The following RPRD1A variants were observed in gnomAD, a reference collection of about 807,000 sequenced individuals.
RPRD1A encodes the protein regulation of nuclear pre-mRNA domain-containing protein 1A.
A neutral mutation model predicts 37.8 loss-of-function variants in RPRD1A; 9 were observed. The ratio of observed to expected loss-of-function variants is 0.24; its 90% CI spans 0.14 to 0.42. The LOEUF is 0.42. Among genes scored for constraint, RPRD1A ranks in the 10% least tolerant of loss-of-function variants. RPRD1A has a pLI of 1.00. For synonymous variants in RPRD1A, 138 were observed against 139.7 expected (o/e 0.99, Z 0.08); for missense variants, 255 against 371.0 (o/e 0.69, Z 2.57).
intron 2 of RPRD1A, among the ~76,000 whole-genome samples, chr18:36,031,597 T>C (rs573367697): frequency 9.8e-5 from 15 of 152,314 alleles, no homozygotes; most frequent in East Asian, 7.7e-4. Context: ...AAGGAAATGA[T>C]ATTTAATTTG....
At chr18:35,996,881 A>G (rs1909094772) in intron 6 of RPRD1A, among the ~76,000 whole-genome samples, 2 of 151,400 alleles carry the variant, frequency 1.3e-5, no homozygotes, top group South Asian at 4.2e-4. Flanking sequence ...ACAGGAGACT[A>G]AAGTGGGAGT....
intron 1 of RPRD1A, among the ~76,000 whole-genome samples, chr18:36,058,878 A>G (rs1054989301): frequency 1.4e-4 from 22 of 152,214 alleles, no homozygotes; most frequent in Admixed American, 1.2e-3. Context: ...GTGATACAGC[A>G]AGACTGAATG....
chr18:36,059,466 A>C (rs561268124), intron 1 of RPRD1A, among the ~76,000 whole-genome samples: 1 of 152,316 alleles, frequency 6.6e-6, no homozygotes, highest in South Asian at 2.1e-4. Flanking sequence ...AATATTATTT[A>C]ACATGAATCG....
chr18:35,992,232 T>C lies in RPRD1A; in HGVS notation c.*919A>G, dbSNP rs979336748. Reference sequence around the variant, plus strand: ...AACGAATATTGTGTTCTTGAGCTATTAGAGCTAAAAGTATTATTTTTAAAG... The same window carrying C: ...AACGAATATTGTGTTCTTGAGCTATCAGAGCTAAAAGTATTATTTTTAAAG... On this transcript the variant is annotated 3_prime_UTR_variant, in exon 7 of 7. Transcript: ENST00000399022. The C allele has an allele frequency of 6.6e-6, 1 of 152,628 alleles. No homozygotes were observed. Among genetic ancestry groups the C allele is most frequent in the African/African-American group, 2.4e-5 (1 of 41,464 alleles). The allele number at this position is 152,628 out of a possible 1,614,324, so 9.5% of individuals were successfully genotyped here.
At chr18:36,022,161 C>T (rs1322332793) in intron 6 of RPRD1A, among the ~76,000 whole-genome samples, 9 of 152,200 alleles carry the variant, frequency 5.9e-5, no homozygotes, top group African/African-American at 2.2e-4. Context: ...AAACGCTCTT[C>T]AATTCTATGA....
At chr18:36,042,844 C>T (rs1195494341) in intron 1 of RPRD1A, among the ~76,000 whole-genome samples, 1 of 151,832 alleles carries the variant, frequency 6.6e-6, no homozygotes, top group Non-Finnish European at 1.5e-5. Context: ...GTGGTTAAAT[C>T]ATAAATTAAT....
In RPRD1A at chr18:36,027,164, A is replaced by T. The variant is rs755434257; in HGVS notation, c.613+20T>A. The T allele has an allele frequency of 6.2e-7, 1 of 1,613,538 alleles. No individual in the cohort carries two copies. On this transcript the variant is annotated intron_variant, in intron 5 of 6. Transcript: ENST00000399022. ...ATCCCAACTCCCAAAAAAGTTCTGG[A>T]TCACATTTTCTTTTCTTACCTGTTA... is the stretch of plus-strand genomic sequence containing the variant.
intron 6 of RPRD1A, among the ~76,000 whole-genome samples, chr18:36,010,826 G>C (rs1311405716): frequency 6.6e-6 from 1 of 152,208 alleles, no homozygotes; most frequent in Non-Finnish European, 1.5e-5. Flanking sequence ...AAAGGAGATA[G>C]ATTTCATAAA....
rs143249953 is a variant in RPRD1A, at chr18:36,016,959, A to T, written c.789+9941T>A. On this transcript the variant is annotated intron_variant, in intron 6 of 6. Coordinates refer to ENST00000399022, the MANE Select transcript of RPRD1A (RefSeq NM_018170.5). ...GATAAAAATTTTGGATGGTATCTGC[A>T]TGTGCTTATCAATGGTTTTTCAACT... is the stretch of plus-strand genomic sequence containing the variant. Among the ~76,000 whole-genome samples the T allele has an allele frequency of 3.8e-3, 575 of 152,060 alleles. 7 individuals carry two copies. Among genetic ancestry groups the T allele is most frequent in the African/African-American group, 0.013 (551 of 41,462 alleles).
chr18:36,043,670 G>A (rs953588607), intron 1 of RPRD1A, among the ~76,000 whole-genome samples: 1 of 152,064 alleles, frequency 6.6e-6, no homozygotes, highest in Admixed American at 6.5e-5. Context: ...ATGAAATTGA[G>A]ACTAAAACTT....
At chr18:36,010,333 T>TA (rs992097539) in intron 6 of RPRD1A, among the ~76,000 whole-genome samples, 19 of 151,026 alleles carry the variant, frequency 1.3e-4, no homozygotes, top group Admixed American at 5.3e-4. Context: ...AAAATAAAAA[T>TA]AAAAAAAAGA....
In RPRD1A at chr18:36,018,767, A is replaced by G. The variant is rs1338287333; in HGVS notation, c.789+8133T>C. ...TATATAAAGTATTAATAGAAAGAAT[A>G]TGGAAGAAAAACAAAAACCAAAATG... is the stretch of plus-strand genomic sequence containing the variant. On this transcript the variant is annotated intron_variant, in intron 6 of 6. Transcript: ENST00000399022. 2.6e-5 allele frequency among the ~76,000 whole-genome samples: 4 copies of G among 152,264 alleles called. No individual in the cohort carries two copies. In the East Asian group the frequency reaches 7.7e-4, roughly 29 times the overall value.
intron 6 of RPRD1A, among the ~76,000 whole-genome samples, chr18:36,023,807 A>G (rs571126208): frequency 6.6e-6 from 1 of 152,348 alleles, no homozygotes; most frequent in South Asian, 2.1e-4. Flanking sequence ...AGTCTTTTTT[A>G]GCAATGAAGC....
At chr18:36,005,462 C>G (rs912379191) in intron 6 of RPRD1A, among the ~76,000 whole-genome samples, 1 of 152,002 alleles carries the variant, frequency 6.6e-6, no homozygotes, top group Non-Finnish European at 1.5e-5. Flanking sequence ...CAAATTTTCT[C>G]TAATAATTAT....
chr18:36,015,173 TACACACACACACACAC>T (rs368940718), intron 6 of RPRD1A, among the ~76,000 whole-genome samples: 3 of 130,916 alleles, frequency 2.3e-5, no homozygotes, highest in East Asian at 2.2e-4. Context: ...TACACATATA[TACACACACACACACAC>T]ACACACACAC....
intron 6 of RPRD1A, among the ~76,000 whole-genome samples, chr18:36,009,574 C>T (rs1315938516): frequency 6.6e-6 from 1 of 152,198 alleles, no homozygotes; most frequent in African/African-American, 2.4e-5. Flanking sequence ...TCTGGGGCAC[C>T]CACAGCATTT....
chr18:36,038,196 C>A (rs1297649788), intron 1 of RPRD1A, among the ~76,000 whole-genome samples: 1 of 152,212 alleles, frequency 6.6e-6, no homozygotes, highest in African/African-American at 2.4e-5. Flanking sequence ...ATGTCAGAGA[C>A]CTTCATGGCA....
In RPRD1A at chr18:36,067,453, G is replaced by A. The variant is rs747897533; in HGVS notation, c.-49C>T. 1.3e-6 allele frequency: 2 copies of A among 1,562,254 alleles called. No homozygotes were observed. The highest frequency in any genetic ancestry group is 1.7e-6 in the Non-Finnish European group (2 of 1,150,828). ...GTCCCACGCGGTGGGGCCGAGGGGA[G>A]GAGAGTTTCGCCGCCCTAGCTGCGG... is the stretch of plus-strand genomic sequence containing the variant. On this transcript the variant is annotated 5_prime_UTR_variant, in exon 1 of 7. Transcript: ENST00000399022.
At chr18:36,042,966 A>T (rs1460482944) in intron 1 of RPRD1A, among the ~76,000 whole-genome samples, 1 of 152,190 alleles carries the variant, frequency 6.6e-6, no homozygotes, top group Admixed American at 6.5e-5. Flanking sequence ...ATATGGATAT[A>T]TTTCTCATAA....
Sources: gnomAD v4.1 joint callset for allele counts (sites outside exome capture counted in the v4.1 genomes callset) on GRCh38, gnomAD v4.1.1 for gene constraint, MANE v1.5 for transcripts, NCBI Gene and HGNC (gene_info 2026-07-23, HGNC 2026-07-21) for gene names.